The following BLTP1 variants were observed in gnomAD, a reference collection of about 807,000 sequenced individuals.
The protein encoded by BLTP1 is fragile site-associated protein.
the BLTP1 span, chr4:122,245,096 C>G: frequency 6.2e-7 from 1 of 1,610,820 alleles, no homozygotes; most frequent in Non-Finnish European, 8.5e-7. Context: ...TGCTAAAGTC[C>G]TCAGGGAAGC....
chr4:122,311,362 G>A, the BLTP1 span, among the ~76,000 whole-genome samples: 1 of 152,106 alleles, frequency 6.6e-6, no homozygotes, highest in Non-Finnish European at 1.5e-5. Context: ...TATTGTTTGG[G>A]TTTCTTGGGA....
At chr4:122,322,765 A>C in the BLTP1 span, among the ~76,000 whole-genome samples, 1 of 152,122 alleles carries the variant, frequency 6.6e-6, no homozygotes, top group Non-Finnish European at 1.5e-5. Flanking sequence ...GTATGGATAG[A>C]ACTGACTGCA....
the BLTP1 span, chr4:122,234,041 T>TA: frequency 1.3e-5 from 2 of 152,112 alleles, no homozygotes; most frequent in Non-Finnish European, 2.9e-5. Context: ...AGACTGTAAA[T>TA]ATGAGGGGAT....
the BLTP1 span, among the ~76,000 whole-genome samples, chr4:122,320,917 G>A: frequency 3.8e-3 from 578 of 150,606 alleles, 7 homozygotes; most frequent in African/African-American, 0.013. Flanking sequence ...TTTTAATTGA[G>A]CCATTTATAT....
At chr4:122,227,573 T>C in the BLTP1 span, 2 of 643,976 alleles carry the variant, frequency 3.1e-6, no homozygotes, top group African/African-American at 2.0e-5. Flanking sequence ...TTAGTTTTTC[T>C]TTCTAGTTCG....
chr4:122,239,955 CA>C, the BLTP1 span: 1 of 1,614,080 alleles, frequency 6.2e-7, no homozygotes, highest in East Asian at 2.2e-5. Flanking sequence ...GCAAACCCAG[CA>C]GATTGACTAC....
chr4:122,160,426 G>A, the BLTP1 span, among the ~76,000 whole-genome samples: 1 of 152,150 alleles, frequency 6.6e-6, no homozygotes, highest in South Asian at 2.1e-4. Context: ...CACTGTACAT[G>A]TAATGAGTAA....
At chr4:122,274,602 A>G in the BLTP1 span, 3 of 980,722 alleles carry the variant, frequency 3.1e-6, no homozygotes, top group Non-Finnish European at 3.6e-6. Context: ...TTAGAAAAAT[A>G]CTTTTTGTCT....
the BLTP1 span, chr4:122,359,521 A>C: frequency 1.3e-6 from 2 of 1,590,678 alleles, no homozygotes; most frequent in Non-Finnish European, 8.6e-7. Context: ...GTGATTTAAC[A>C]TAAATGTATC....
chr4:122,297,784 AT>A, the BLTP1 span, among the ~76,000 whole-genome samples: 2 of 152,242 alleles, frequency 1.3e-5, no homozygotes, highest in Non-Finnish European at 2.9e-5. Context: ...GGAAGCCGTT[AT>A]CCCCAGCATA....
the BLTP1 span, chr4:122,356,799 C>T: frequency 6.3e-7 from 1 of 1,583,966 alleles, no homozygotes; most frequent in African/African-American, 1.4e-5. Context: ...AGAATGGCAG[C>T]TGTCAATGCC....
chr4:122,169,991 G>T, the BLTP1 span: 3 of 985,266 alleles, frequency 3.0e-6, no homozygotes, highest in South Asian at 4.7e-5. Flanking sequence ...TAGTATTTCT[G>T]ATTGTTGAGA....
chr4:122,258,663 A>G, the BLTP1 span: 3 of 1,576,484 alleles, frequency 1.9e-6, no homozygotes, highest in Non-Finnish European at 2.6e-6. Context: ...AAAATGTGTG[A>G]TAATCTATTG....
the BLTP1 span, among the ~76,000 whole-genome samples, chr4:122,322,136 C>G: frequency 6.6e-6 from 1 of 150,936 alleles, no homozygotes; most frequent in Non-Finnish European, 1.5e-5. Flanking sequence ...CTTTCTCTTT[C>G]TCTTTTCTTT....
the BLTP1 span, chr4:122,182,717 T>C: frequency 2.0e-6 from 2 of 985,112 alleles, no homozygotes; most frequent in Non-Finnish European, 2.4e-6. Flanking sequence ...TTAGAAGTTC[T>C]CAGTATTTTT....
the BLTP1 span, chr4:122,347,785 A>G: frequency 1.9e-6 from 3 of 1,607,384 alleles, no homozygotes; most frequent in South Asian, 1.1e-5. Context: ...AAGAGGTAAC[A>G]CTGCTCTTTT....
the BLTP1 span, among the ~76,000 whole-genome samples, chr4:122,253,815 G>T: frequency 4.6e-5 from 7 of 152,082 alleles, no homozygotes; most frequent in Admixed American, 4.6e-4. Context: ...ATACCGAGCA[G>T]ATTTAAACCA....
the BLTP1 span, among the ~76,000 whole-genome samples, chr4:122,271,908 A>G: frequency 1.3e-5 from 2 of 152,112 alleles, no homozygotes; most frequent in African/African-American, 2.4e-5. Context: ...ACATTTCCCA[A>G]CCTTTTAAAC....
At chr4:122,247,266 A>G in the BLTP1 span, 11 of 1,613,570 alleles carry the variant, frequency 6.8e-6, no homozygotes, top group Non-Finnish European at 9.3e-6. Flanking sequence ...GATCTCTCAG[A>G]TCAAATGCTG....
Sources: gnomAD v4.1 joint callset for allele counts (sites outside exome capture counted in the v4.1 genomes callset) on GRCh38, gnomAD v4.1.1 for gene constraint, MANE v1.5 for transcripts, NCBI Gene and HGNC (gene_info 2026-07-23, HGNC 2026-07-21) for gene names.